Variants in NASP observed in about 807,000 individuals in gnomAD.
NASP encodes the protein NASP histone chaperone.
A neutral mutation model predicts 89.5 loss-of-function variants in NASP; 24 were observed. The observed-to-expected ratio is 0.27, with a 90% confidence interval of 0.19 to 0.38. The LOEUF (loss-of-function observed/expected upper bound fraction) is 0.38, where lower values mean the gene tolerates loss of function less well. NASP is among the 10% of genes least tolerant of loss of function. The pLI is 1.00. For missense variants in NASP, 848 were observed against 921.4 expected, an observed-to-expected ratio of 0.92 and a Z score of 1.03; for synonymous variants, 306 against 324.7, an observed-to-expected ratio of 0.94 and a Z score of 0.62.
At chr1:45,591,363 A>G in intron 2 of NASP, 93 bp downstream of exon 2, 3 of 919,116 alleles carry the variant, frequency 3.3e-6, no homozygotes, top group South Asian at 1.7e-5. Context: ...TAATTAATTT[A>G]TTTTTGATAG....
chr1:45,586,274 GTGTGTGTGTGGTGTGTGT>G (rs1399520281), intron 1 of NASP, among the ~76,000 whole-genome samples: 16 of 60,094 alleles, frequency 2.7e-4, no homozygotes, highest in African/African-American at 1.1e-3. Flanking sequence ...GTGTGTGTGT[GTGTGTGTGTGGTGTGTGT>G]GTGTGTGTGT....
At chr1:45,601,438 T>C (rs924721396) in intron 2 of NASP, among the ~76,000 whole-genome samples, 2 of 152,202 alleles carry the variant, frequency 1.3e-5, no homozygotes, top group Admixed American at 1.3e-4. Flanking sequence ...CCATTCCTCA[T>C]TGCATTGCCT....
At chr1:45,593,040 GT>G (rs1570956361) in intron 2 of NASP, among the ~76,000 whole-genome samples, 1 of 152,110 alleles carries the variant, frequency 6.6e-6, no homozygotes, top group Non-Finnish European at 1.5e-5. Context: ...ACATCATTCT[GT>G]TTATAGCACT....
In NASP at chr1:45,614,401, C is replaced by CTG. The variant is rs768653461; in HGVS notation, c.1666+36_1666+37insGT. The stretch of plus-strand genomic sequence containing the variant: ...TTTCCATTTTATACTCTCCTACTCT[C>CTG]TTCAGCTCCCTCGTTCTTCCTCTAA... On this transcript the variant is annotated intron_variant, in intron 9 of 14. Transcript: ENST00000350030. 34 of 1,479,630 alleles carry CTG rather than the reference C, an allele frequency of 2.3e-5. No individual in the cohort carries two copies. In the East Asian group the frequency reaches 6.6e-4, roughly 29 times the overall value. The allele number at this position is 1,479,630 out of a possible 1,614,324, so 91.7% of individuals were successfully genotyped here.
Position 45,607,326 on chromosome 1 carries a change from G to A in NASP, c.415G>A (p.Ala139Thr). 6.2e-7 allele frequency: 1 copy of A among 1,613,664 alleles called. No homozygotes were observed. Among genetic ancestry groups the A allele is most frequent in the Non-Finnish European group, 8.5e-7 (1 of 1,179,828 alleles). ...CATGTTCTTTAACCATGTAGAGGAAGCAAGGGAAGAGTTGAGAGAACAGGT... is the reference window on the plus strand; with the variant it reads ...CATGTTCTTTAACCATGTAGAGGAAACAAGGGAAGAGTTGAGAGAACAGGT... ...VENNDNIDEE[A>T]REELREQVYD... Residue 139 changes from alanine to threonine, a missense_variant, in exon 6 of 15, where the codon GCA becomes ACA. Around this residue, in one of 5 missense-constraint regions of NASP, gnomAD observed 464 missense variants for 469.4 expected, o/e 0.99. Transcript: ENST00000350030.
At chr1:45,589,873 C>G (rs1325537363) in intron 1 of NASP, among the ~76,000 whole-genome samples, 1 of 152,106 alleles carries the variant, frequency 6.6e-6, no homozygotes, top group Non-Finnish European at 1.5e-5. Flanking sequence ...TGCACTCCAG[C>G]CTGGGCAACA....
At chr1:45,602,191 G>A in intron 2 of NASP, 64 bp from the exon 3 acceptor site, 1 of 1,539,946 alleles carries the variant, frequency 6.5e-7, no homozygotes, top group East Asian at 2.3e-5. Context: ...CTCAAATGTA[G>A]CAGGTATTCA....
chr1:45,590,682 C>CTTTTTTTT (rs386366869), intron 1 of NASP, among the ~76,000 whole-genome samples: 4 of 107,198 alleles, frequency 3.7e-5, no homozygotes, highest in Admixed American at 1.1e-4. Flanking sequence ...CATAGTGTAA[C>CTTTTTTTT]TTTTTTTTTT....
intron 2 of NASP, among the ~76,000 whole-genome samples, chr1:45,600,813 G>A (rs1024096306): frequency 3.3e-5 from 5 of 152,208 alleles, no homozygotes; most frequent in African/African-American, 1.2e-4. Flanking sequence ...GTGTTTGACA[G>A]TTCTAGTTGC....
At chr1:45,587,198 GT>G (rs1422617807) in intron 1 of NASP, among the ~76,000 whole-genome samples, 3 of 147,164 alleles carry the variant, frequency 2.0e-5, no homozygotes, top group South Asian at 2.1e-4. Flanking sequence ...TTTTTTTGTT[GT>G]TTTTTTTTTG....
rs371064103 is a variant in NASP, at chr1:45,617,550, G to C, written c.2245G>C (p.Val749Leu). 1.2e-6 allele frequency: 2 copies of C among 1,601,694 alleles called. No individual in the cohort carries two copies. Among genetic ancestry groups the C allele is most frequent in the African/African-American group, 2.7e-5 (2 of 73,824 alleles). The change falls in exon 14 of 15, where the codon GTC (valine) becomes CTC (leucine). Residue 749 changes from valine to leucine, a missense_variant. By Grantham distance (32) the Val-to-Leu change is conservative. Coordinates refer to ENST00000350030, the MANE Select transcript of NASP (RefSeq NM_002482.4). ...GGTGAACGGAGGCAGTGGGGATGCT[G>C]TCCCCAGTGGAAATGAAGTTTCGGA... ...PEVNGGSGDA[V>L]PSGNEVSENM...
Position 45,616,619 on chromosome 1 carries a change from T to C in NASP, c.2080-7T>C. The C allele has an allele frequency of 1.2e-6, 2 of 1,613,346 alleles. No individual in the cohort carries two copies. Among genetic ancestry groups the C allele is most frequent in the South Asian group, 1.1e-5 (1 of 91,070 alleles). ...GTACAATTGCTAATAAGGGCTTATT[T>C]TGCCAGATTGCCAGTAGAAAGCCAA... On this transcript the variant is annotated splice_polypyrimidine_tract_variant and splice_region_variant and intron_variant, in intron 12 of 14. Transcript: ENST00000350030.
intron 1 of NASP, among the ~76,000 whole-genome samples, chr1:45,586,282 GTGGT>G (rs1351925593): frequency 7.6e-3 from 303 of 39,868 alleles, no homozygotes; most frequent in Non-Finnish European, 0.011. Context: ...GTGTGTGTGT[GTGGT>G]GTGTGTGTGT....
intron 1 of NASP, among the ~76,000 whole-genome samples, chr1:45,586,071 T>G (rs1445646099): frequency 1.3e-5 from 2 of 152,046 alleles, no homozygotes; most frequent in African/African-American, 4.8e-5. Context: ...AAAGTTTATG[T>G]ATATGTGGCT....
rs1336313044 is a variant in NASP at position 45,584,095 on chromosome 1, GTT to G, written c.-48_-47del. 4 of 1,522,612 alleles carry G rather than the reference GTT, an allele frequency of 2.6e-6. No homozygotes were observed. The African/African-American group carries it at 5.5e-5, about 21-fold the overall frequency. The allele number at this position is 1,522,612 out of a possible 1,614,324, so 94.3% of individuals were successfully genotyped here. On this transcript the variant is annotated 5_prime_UTR_variant, in exon 1 of 15. Transcript: ENST00000350030. ...GAGTCTCTGGCGTCCCAAATTGCCTGTTTTTCTCGCAGGCTCTATTCCGTTCG... is the reference window on the plus strand; with the variant it reads ...GAGTCTCTGGCGTCCCAAATTGCCTGTTTCTCGCAGGCTCTATTCCGTTCG...
In NASP at chr1:45,585,349, A is replaced by G. The variant is rs75017284; in HGVS notation, c.59+1144A>G. ...GTGAAGTTTTTTAAATTGATATTCT[A>G]TAGGCTTACACTCTGTCATGATTAT... On this transcript the variant is annotated intron_variant, in intron 1 of 14. Transcript: ENST00000350030. Among the ~76,000 whole-genome samples the G allele has an allele frequency of 6.9e-3, 1,050 of 152,110 alleles. 5 individuals are homozygous for G. The highest frequency in any genetic ancestry group is 0.01 in the Non-Finnish European group (681 of 67,982).
chr1:45,584,064 C>G lies in NASP; in HGVS notation c.-83C>G. On this transcript the variant is annotated 5_prime_UTR_variant, in exon 1 of 15. Transcript: ENST00000350030. Reference sequence around the variant, plus strand: ...GTCTCTAATCTGCCATTTTCTGTCCCTGAGTGAGTCTCTGGCGTCCCAAAT... The same window carrying G: ...GTCTCTAATCTGCCATTTTCTGTCCGTGAGTGAGTCTCTGGCGTCCCAAAT... The G allele has an allele frequency of 7.4e-7, 1 of 1,345,106 alleles. No individual in the cohort carries two copies. Among genetic ancestry groups the G allele is most frequent in the Non-Finnish European group, 1.0e-6 (1 of 965,578 alleles). The allele number at this position is 1,345,106 out of a possible 1,614,324, so 83.3% of individuals were successfully genotyped here. A position where few individuals can be genotyped will look rare whatever the true frequency, so the allele number is the denominator to read the frequency against.
chr1:45,593,686 G>C (rs980842721), intron 2 of NASP, among the ~76,000 whole-genome samples: 2 of 150,640 alleles, frequency 1.3e-5, no homozygotes, highest in Non-Finnish European at 3.0e-5. Context: ...CTCTTAAACG[G>C]GAAAAGGGTT....
intron 13 of NASP, chr1:45,617,203 G>C (rs1644122013): frequency 2.5e-6 from 1 of 401,152 alleles, no homozygotes; most frequent in Admixed American, 4.3e-5. Context: ...AACTTGTACA[G>C]TGATTACCAT....
Sources: allele counts gnomAD v4.1 joint callset (sites outside exome capture counted in the v4.1 genomes callset), GRCh38; gene constraint gnomAD v4.1.1; regional missense constraint gnomAD v4.1.1; transcripts MANE v1.5; gene names NCBI Gene and HGNC (gene_info 2026-07-23, HGNC 2026-07-21).